The following GNPDA1 variants were observed in gnomAD, a reference collection of about 807,000 sequenced individuals.
The protein encoded by GNPDA1 is GNPDA 1.
GNPDA1 carries 24 observed loss-of-function variants against 28.5 expected under a neutral mutation model. That is an observed-to-expected ratio of 0.84 (90% confidence interval 0.61 to 1.19). GNPDA1 has a LOEUF of 1.19. Among genes scored for constraint, GNPDA1 ranks in the 50% most tolerant of loss-of-function variants. The probability of loss-of-function intolerance (pLI) is 0.00; values close to 1 mark genes in which losing one functional copy is unlikely to be tolerated. For synonymous variants in GNPDA1, 147 were observed against 139.3 expected (o/e 1.06, Z -0.39); for missense variants, 264 against 367.3 (o/e 0.72, Z 2.30).
Position 142,003,737 on chromosome 5 carries a change from T to C in GNPDA1, c.595-475A>G, listed in dbSNP as rs1596733387. On this transcript the variant is annotated intron_variant, in intron 5 of 6. Coordinates refer to ENST00000311337, the MANE Select transcript of GNPDA1 (RefSeq NM_005471.5). This position sits in a 1 kb window ranked among gnomAD's most constrained non-coding sequence, Gnocchi z 4.0. ...CCTCTAAGGCTGAATCCCAGAAAGGTTGCCCCATTATCTGGTCACTTTCAG... is the reference window on the plus strand; with the variant it reads ...CCTCTAAGGCTGAATCCCAGAAAGGCTGCCCCATTATCTGGTCACTTTCAG... Among the ~76,000 whole-genome samples the C allele has an allele frequency of 1.3e-5, 2 of 152,190 alleles. No homozygotes were observed. Among genetic ancestry groups the C allele is most frequent in the Non-Finnish European group, 2.9e-5 (2 of 68,030 alleles).
In GNPDA1 at chr5:142,003,508, C is replaced by A. The variant is rs949411299; in HGVS notation, c.595-246G>T. Among the ~76,000 whole-genome samples the A allele has an allele frequency of 1.3e-5, 2 of 152,192 alleles. No homozygotes were observed. The highest frequency in any genetic ancestry group is 4.8e-5 in the African/African-American group (2 of 41,440). On this transcript the variant is annotated intron_variant, in intron 5 of 6. Transcript: ENST00000311337. The surrounding 1 kb of genome is among the most constrained non-coding windows in gnomAD (Gnocchi z 4.0). ...CAGGGTCATTTATGACCCCAAAGTT[C>A]ATGTTCTTGACTACCACGTGACAGT...
intron 1 of GNPDA1, 154 bp from the exon 2 acceptor site, chr5:142,012,195 AAGAGG>A: frequency 1.4e-6 from 1 of 693,228 alleles, no homozygotes. Flanking sequence ...CAGAGGAGCT[AAGAGG>A]CTAGGCCAGT....
At position 142,003,293 on chromosome 5, in the gene GNPDA1, G is replaced by C. The variant is rs1384989042; in HGVS notation, c.595-31C>G. On this transcript the variant is annotated intron_variant, in intron 5 of 6. Transcript: ENST00000311337. The surrounding 1 kb of genome is among the most constrained non-coding windows in gnomAD (Gnocchi z 4.0). ...GATCAGAAAACAAGTCTGTGATGGA[G>C]GGGAGCATTCCAGACACCCTAAACA... 1 of 1,497,790 alleles carries C rather than the reference G, an allele frequency of 6.7e-7. No individual in the cohort carries two copies. The allele number at this position is 1,497,790 out of a possible 1,614,324, so 92.8% of individuals were successfully genotyped here. A position where few individuals can be genotyped will look rare whatever the true frequency, so the allele number is the denominator to read the frequency against.
chr5:142,003,482 C>G lies in GNPDA1; in HGVS notation c.595-220G>C, dbSNP rs970883255. 3.3e-5 allele frequency among the ~76,000 whole-genome samples: 5 copies of G among 152,112 alleles called. No individual in the cohort carries two copies. Among genetic ancestry groups the G allele is most frequent in the Non-Finnish European group, 7.4e-5 (5 of 68,022 alleles). On this transcript the variant is annotated intron_variant, in intron 5 of 6. Coordinates refer to ENST00000311337, the MANE Select transcript of GNPDA1 (RefSeq NM_005471.5). This position sits in a 1 kb window ranked among gnomAD's most constrained non-coding sequence, Gnocchi z 4.0. ...AGCCCCAGGGGGTTAAATAACTTGC[C>G]CAGGGTCATTTATGACCCCAAAGTT... is the stretch of plus-strand genomic sequence containing the variant.
In GNPDA1 at chr5:142,006,131, G is replaced by A. The variant is rs1755797939; in HGVS notation, c.409+13C>T. 3 of 1,605,898 alleles carry A rather than the reference G, an allele frequency of 1.9e-6. No individual in the cohort carries two copies. The highest frequency in any genetic ancestry group is 2.6e-6 in the Non-Finnish European group (3 of 1,174,168). ...TGGCCCTGGACATGTGTGCTGCAGAGTGTCAAGCTCACCTCCAACAAATAG... is the reference window on the plus strand; with the variant it reads ...TGGCCCTGGACATGTGTGCTGCAGAATGTCAAGCTCACCTCCAACAAATAG... On this transcript the variant is annotated intron_variant, in intron 4 of 6. Coordinates refer to ENST00000311337, the MANE Select transcript of GNPDA1 (RefSeq NM_005471.5).
chr5:142,009,946 T>C (rs990700115), intron 2 of GNPDA1, among the ~76,000 whole-genome samples: 1 of 152,076 alleles, frequency 6.6e-6, no homozygotes, highest in Non-Finnish European at 1.5e-5. Context: ...TGGATCTGAC[T>C]CTGCAATGAT....
intron 4 of GNPDA1, 138 bp from the exon 5 acceptor site, chr5:142,005,254 G>A: frequency 1.6e-6 from 1 of 638,008 alleles, no homozygotes; most frequent in African/African-American, 1.8e-5. Flanking sequence ...GCAGCCCTGG[G>A]CAGGTACACC....
intron 2 of GNPDA1, among the ~76,000 whole-genome samples, chr5:142,010,799 C>T (rs1241404591): frequency 6.6e-6 from 1 of 152,060 alleles, no homozygotes; most frequent in Non-Finnish European, 1.5e-5. Context: ...CAGATATGAG[C>T]CACCATGCCT....
In GNPDA1 at chr5:142,011,806, C is replaced by T. The variant is rs1204646833; in HGVS notation, c.124+106G>A. ...AAGGTGCTCTCTCAGCACCAGTACC[C>T]CAGAGCCCCCGTGAAGTCCCTTGGC... On this transcript the variant is annotated intron_variant, in intron 2 of 6. Coordinates refer to ENST00000311337, the MANE Select transcript of GNPDA1 (RefSeq NM_005471.5). 3 of 1,310,256 alleles carry T rather than the reference C, an allele frequency of 2.3e-6. No homozygotes were observed. The East Asian group carries it at 7.1e-5, about 31-fold the overall frequency. The allele number at this position is 1,310,256 out of a possible 1,614,324, so 81.2% of individuals were successfully genotyped here.
rs371738765 is a variant in GNPDA1 at position 142,007,814 on chromosome 5, T to C, written c.211A>G (p.Met71Val). ...AAAGACTCACCCACGTACTCATCCATGTTGAAGGTCTTCACATATTTAAAG... is the reference window on the plus strand; with the variant it reads ...AAAGACTCACCCACGTACTCATCCACGTTGAAGGTCTTCACATATTTAAAG... Reference protein sequence around the residue: ...LSFKYVKTFNMDEYVGLPRDH... With the variant: ...LSFKYVKTFNVDEYVGLPRDH... Residue 71 changes from methionine to valine, a missense_variant, in exon 3 of 7, where the codon ATG (methionine) becomes GTG (valine). By Grantham distance (21) the Met-to-Val change is conservative (BLOSUM62 1). Transcript: ENST00000311337. The C allele has an allele frequency of 6.3e-7, 1 of 1,596,624 alleles. No individual in the cohort carries two copies. The highest frequency in any genetic ancestry group is 8.6e-7 in the Non-Finnish European group (1 of 1,164,118).
In GNPDA1 at chr5:142,002,141, TAAAAAC is replaced by T. The variant is rs1561569989; in HGVS notation, c.770-18_770-13del. On this transcript the variant is annotated splice_polypyrimidine_tract_variant and intron_variant, in intron 6 of 6. Transcript: ENST00000311337. ...AACAAGCATTAAACCTACAAAAAAT[TAAAAAC>T]AAAAAGTAGTTAATTCAGGCAGTGG... 7 of 1,436,788 alleles carry T rather than the reference TAAAAAC, an allele frequency of 4.9e-6. No individual in the cohort carries two copies. The highest frequency in any genetic ancestry group is 1.8e-5 in the Admixed American group (1 of 56,718). The allele number at this position is 1,436,788 out of a possible 1,614,324, so 89.0% of individuals were successfully genotyped here.
At chr5:142,008,998 A>G (rs1755873906) in intron 2 of GNPDA1, among the ~76,000 whole-genome samples, 1 of 152,124 alleles carries the variant, frequency 6.6e-6, no homozygotes, top group African/African-American at 2.4e-5. Flanking sequence ...TATGTGCTGA[A>G]GGATTTAGAG....
At chr5:142,005,309 G>T in intron 4 of GNPDA1, 193 bp from the exon 5 acceptor site, 1 of 485,510 alleles carries the variant, frequency 2.1e-6, no homozygotes, top group Non-Finnish European at 3.7e-6. Context: ...CTTTCTCTTT[G>T]CCATACTGTC....
chr5:142,011,774 G>A lies in GNPDA1; in HGVS notation c.124+138C>T, dbSNP rs140722541. On this transcript the variant is annotated intron_variant, in intron 2 of 6. Coordinates refer to ENST00000311337, the MANE Select transcript of GNPDA1 (RefSeq NM_005471.5). ...AAGCTGGGTCCTTTGTATGTGGAAGGGGCAGGAAGGTGCTCTCTCAGCACC... is the reference window on the plus strand; with the variant it reads ...AAGCTGGGTCCTTTGTATGTGGAAGAGGCAGGAAGGTGCTCTCTCAGCACC... 7.3e-3 allele frequency: 6,623 copies of A among 902,618 alleles called. 50 individuals are homozygous for A. Among genetic ancestry groups the A allele is most frequent in the Non-Finnish European group, 8.3e-3 (4,739 of 571,608 alleles). 55.9% of individuals were successfully genotyped at this position (902,618 alleles called of 1,614,324 possible).
At chr5:142,007,745 G>A (rs936515520) in intron 3 of GNPDA1, 54 bp downstream of exon 3, 8 of 1,050,516 alleles carry the variant, frequency 7.6e-6, no homozygotes, top group Non-Finnish European at 1.2e-5. Context: ...CCAATGAGAG[G>A]AGGAGCATCA....
chr5:142,000,961 GAGAAGGGTAAATGGGC>G lies in GNPDA1; in HGVS notation c.*1052_*1067del, dbSNP rs1383217690. The G allele has an allele frequency of 2.0e-5, 3 of 152,506 alleles. No homozygotes were observed. Among genetic ancestry groups the G allele is most frequent in the Non-Finnish European group, 4.4e-5 (3 of 68,098 alleles). 9.4% of individuals were successfully genotyped at this position (152,506 alleles called of 1,614,324 possible). On this transcript the variant is annotated 3_prime_UTR_variant, in exon 7 of 7. Coordinates refer to ENST00000311337, the MANE Select transcript of GNPDA1 (RefSeq NM_005471.5). ...GCAACAGACCACCTTGGGATCCGGG[GAGAAGGGTAAATGGGC>G]AAAAGGGTTGTATTTCCTGATGCTC...
intron 2 of GNPDA1, among the ~76,000 whole-genome samples, chr5:142,010,998 AGTACAGTGAC>A (rs1561573918): frequency 5.9e-5 from 9 of 151,808 alleles, no homozygotes; most frequent in Admixed American, 3.9e-4. Flanking sequence ...CCCAGACTGG[AGTACAGTGAC>A]ACAATCATGG....
intron 2 of GNPDA1, among the ~76,000 whole-genome samples, chr5:142,011,091 T>G (rs765983880): frequency 3.3e-5 from 5 of 151,918 alleles, no homozygotes; most frequent in Admixed American, 6.6e-5. Context: ...GGACTACAGG[T>G]GAGCGCCACC....
Position 142,001,898 on chromosome 5 carries a change from GAAC to G in GNPDA1, c.*128_*130del. ...ACTAGGCTCCCAGCCTCATGGCCAA[GAAC>G]AATAAGTTCACCCACTTATCTGGAG... is the stretch of plus-strand genomic sequence containing the variant. On this transcript the variant is annotated 3_prime_UTR_variant, in exon 7 of 7. Transcript: ENST00000311337. 1 of 468,490 alleles carries G rather than the reference GAAC, an allele frequency of 2.1e-6. No homozygotes were observed. The highest frequency in any genetic ancestry group is 3.8e-6 in the Non-Finnish European group (1 of 263,920). The allele number at this position is 468,490 out of a possible 1,614,324, so 29.0% of individuals were successfully genotyped here. A position where few individuals can be genotyped will look rare whatever the true frequency, so the allele number is the denominator to read the frequency against.
Sources: allele counts gnomAD v4.1 joint callset (sites outside exome capture counted in the v4.1 genomes callset), GRCh38; gene constraint gnomAD v4.1.1; non-coding constraint Gnocchi (gnomAD v3.1); transcripts MANE v1.5; gene names NCBI Gene and HGNC (gene_info 2026-07-23, HGNC 2026-07-21).